PCDH9: variants seen among roughly 807,000 people sequenced by gnomAD.
PCDH9 encodes protocadherin-9.
Under a neutral mutation model 70.6 loss-of-function variants are expected in PCDH9, and 24 were observed. The ratio of observed to expected loss-of-function variants is 0.34; its 90% CI spans 0.25 to 0.48. PCDH9 has a LOEUF of 0.48. PCDH9 is among the 20% of genes least tolerant of loss of function. The pLI is 0.99. For missense variants in PCDH9, 1,281 were observed against 1,503.6 expected, an observed-to-expected ratio of 0.85 and a Z score of 2.45; for synonymous variants, 562 against 558.5, an observed-to-expected ratio of 1.01 and a Z score of -0.09.
chr13:67,144,706 A>T (rs1315848807), intron 2 of PCDH9, among the ~76,000 whole-genome samples: 1 of 152,108 alleles, frequency 6.6e-6, no homozygotes, highest in Non-Finnish European at 1.5e-5. Flanking sequence ...TGTTCTTAAT[A>T]ATTTATTCCA....
intron 4 of PCDH9, among the ~76,000 whole-genome samples, chr13:66,478,399 C>T (rs560007233): frequency 1.9e-4 from 29 of 152,288 alleles, no homozygotes; most frequent in African/African-American, 6.5e-4. Context: ...CACTTTAAAT[C>T]AAAAGCTAGA....
At chr13:67,005,908 G>A (rs758397242) in intron 2 of PCDH9, among the ~76,000 whole-genome samples, 1 of 152,108 alleles carries the variant, frequency 6.6e-6, no homozygotes, top group Non-Finnish European at 1.5e-5. Context: ...GCTGTGGTAG[G>A]CATCATTACA....
intron 3 of PCDH9, among the ~76,000 whole-genome samples, chr13:66,812,118 T>C (rs2080520060): frequency 6.6e-6 from 1 of 152,078 alleles, no homozygotes; most frequent in African/African-American, 2.4e-5. Context: ...ATAATTCTCA[T>C]GCCTCTAAAA....
At chr13:66,327,446 G>A (rs1305322660) in intron 4 of PCDH9, among the ~76,000 whole-genome samples, 1 of 151,794 alleles carries the variant, frequency 6.6e-6, no homozygotes, top group Non-Finnish European at 1.5e-5. Context: ...GAAGCAAAAG[G>A]GATTATTTTG....
intron 2 of PCDH9, chr13:67,210,886 A>G (rs1016751548): frequency 9.2e-5 from 14 of 152,046 alleles, no homozygotes; most frequent in African/African-American, 3.1e-4. Context: ...AATTGAAACT[A>G]CGTAAAAACA....
intron 3 of PCDH9, among the ~76,000 whole-genome samples, chr13:66,824,132 G>A (rs1320763071): frequency 6.6e-6 from 1 of 151,306 alleles, no homozygotes; most frequent in Non-Finnish European, 1.5e-5. Flanking sequence ...CTCCTTCATA[G>A]AAAAATGGAA....
rs2086264655 is a variant in PCDH9, at chr13:67,093,705, A to C, written c.3036+131700T>G. On this transcript the variant is annotated intron_variant, in intron 2 of 4. Transcript: ENST00000377865. Reference sequence around the variant, plus strand: ...CAATACCTGCCTGCAAAGTGGCTACATAGTTACAGACAGTGGGGCCCATGA... The same window carrying C: ...CAATACCTGCCTGCAAAGTGGCTACCTAGTTACAGACAGTGGGGCCCATGA... Among the ~76,000 whole-genome samples the C allele has an allele frequency of 6.6e-5, 10 of 152,162 alleles. No individual in the cohort carries two copies. The South Asian group carries it at 1.9e-3, about 28-fold the overall frequency.
intron 2 of PCDH9, among the ~76,000 whole-genome samples, chr13:67,113,580 C>T (rs986711174): frequency 1.3e-5 from 2 of 151,734 alleles, no homozygotes; most frequent in African/African-American, 2.4e-5. Context: ...CGGACTCTCG[C>T]TCTGTCGCCC....
intron 2 of PCDH9, among the ~76,000 whole-genome samples, chr13:67,144,987 T>C (rs2087486066): frequency 6.6e-6 from 1 of 152,116 alleles, no homozygotes; most frequent in South Asian, 2.1e-4. Context: ...AATTGTTCTA[T>C]TTTACAAGTA....
chr13:66,561,284 G>A (rs112722809), intron 4 of PCDH9, among the ~76,000 whole-genome samples: 19,060 of 152,216 alleles, frequency 0.13, 1,431 homozygotes, highest in Middle Eastern at 0.23. Context: ...CCTGCAGCCC[G>A]CCATGCCTGG....
chr13:66,324,746 A>C (rs957080924), intron 4 of PCDH9, among the ~76,000 whole-genome samples: 7 of 152,084 alleles, frequency 4.6e-5, no homozygotes, highest in African/African-American at 1.7e-4. Context: ...CAGAGCAATT[A>C]ATTTTATAAA....
At chr13:66,908,382 A>G (rs1044455204) in intron 2 of PCDH9, among the ~76,000 whole-genome samples, 1 of 152,186 alleles carries the variant, frequency 6.6e-6, no homozygotes, top group Non-Finnish European at 1.5e-5. Flanking sequence ...AACTGAAAGG[A>G]CTAGAGAGGA....
chr13:66,502,065 A>G (rs541820805), intron 4 of PCDH9, among the ~76,000 whole-genome samples: 1 of 152,234 alleles, frequency 6.6e-6, no homozygotes, highest in African/African-American at 2.4e-5. Context: ...GCCAGTTTTG[A>G]TATTCTCTCT....
At chr13:66,575,274 A>G (rs903649781) in intron 4 of PCDH9, among the ~76,000 whole-genome samples, 2 of 152,246 alleles carry the variant, frequency 1.3e-5, no homozygotes, top group Middle Eastern at 3.4e-3. Flanking sequence ...GTTTCCTGAC[A>G]CAGGCATACA....
intron 4 of PCDH9, among the ~76,000 whole-genome samples, chr13:66,628,920 C>T (rs1372860201): frequency 1.3e-5 from 2 of 152,058 alleles, no homozygotes; most frequent in Non-Finnish European, 2.9e-5. Flanking sequence ...TCATTTTATC[C>T]TTATAGCTAT....
intron 3 of PCDH9, among the ~76,000 whole-genome samples, chr13:66,713,621 GTGTGTATATATATATATA>G (rs1476309109): frequency 1.2e-4 from 2 of 16,886 alleles, no homozygotes; most frequent in African/African-American, 2.5e-4. Flanking sequence ...AAGTGTGTGT[GTGTGTATATATATATATA>G]TATATATATA....
At chr13:67,060,336 G>C (rs144343725) in intron 2 of PCDH9, among the ~76,000 whole-genome samples, 2 of 151,954 alleles carry the variant, frequency 1.3e-5, no homozygotes, top group Non-Finnish European at 2.9e-5. Context: ...GAAAAGTGAG[G>C]TAATTTTCCC....
intron 2 of PCDH9, among the ~76,000 whole-genome samples, chr13:67,171,437 T>A (rs1341946835): frequency 1.3e-5 from 2 of 152,172 alleles, no homozygotes; most frequent in African/African-American, 4.8e-5. Context: ...GATCACATTC[T>A]GTCAATATTG....
At chr13:67,137,204 C>G (rs915086600) in intron 2 of PCDH9, among the ~76,000 whole-genome samples, 2 of 151,976 alleles carry the variant, frequency 1.3e-5, no homozygotes, top group African/African-American at 4.8e-5. Flanking sequence ...GACTTCTAAT[C>G]TAATCATTTT....
Sources: allele counts gnomAD v4.1 joint callset (sites outside exome capture counted in the v4.1 genomes callset), GRCh38; gene constraint gnomAD v4.1.1; transcripts MANE v1.5; gene names NCBI Gene and HGNC (gene_info 2026-07-23, HGNC 2026-07-21).